The following HS6ST3 variants were observed in gnomAD, a reference collection of about 807,000 sequenced individuals.
HS6ST3 encodes the protein heparan sulfate 6-O-sulfotransferase 3, also known as heparan-sulfate 6-O-sulfotransferase 3.
A neutral mutation model predicts 36.7 loss-of-function variants in HS6ST3; 12 were observed. The ratio of observed to expected loss-of-function variants is 0.33; its 90% CI spans 0.21 to 0.53. HS6ST3 has a LOEUF of 0.53. Among genes scored for constraint, HS6ST3 ranks in the 20% least tolerant of loss-of-function variants. The pLI, the probability that HS6ST3 is intolerant of heterozygous loss-of-function variation, is 0.95. For synonymous variants in HS6ST3, 240 were observed against 257.5 expected (o/e 0.93, Z 0.65); for missense variants, 584 against 640.9 (o/e 0.91, Z 0.96).
chr13:96,461,449 G>A (rs746851830), intron 1 of HS6ST3, among the ~76,000 whole-genome samples: 7 of 152,150 alleles, frequency 4.6e-5, no homozygotes, highest in Non-Finnish European at 7.4e-5. Flanking sequence ...AGGTATACAT[G>A]TCCTAGAAAT....
intron 1 of HS6ST3, among the ~76,000 whole-genome samples, chr13:96,186,011 A>G (rs1386869659): frequency 1.3e-5 from 2 of 152,208 alleles, no homozygotes; most frequent in Admixed American, 6.5e-5. Context: ...ATCTGAGTGT[A>G]TGTATGTATG....
At chr13:96,112,661 C>T (rs932547126) in intron 1 of HS6ST3, among the ~76,000 whole-genome samples, 2 of 134,934 alleles carry the variant, frequency 1.5e-5, no homozygotes, top group Admixed American at 8.1e-5. Context: ...CCAGCTACTC[C>T]GGAGGCTGAG....
intron 1 of HS6ST3, among the ~76,000 whole-genome samples, chr13:96,624,399 AT>A (rs1439231098): frequency 3.3e-5 from 5 of 152,154 alleles, no homozygotes; most frequent in Admixed American, 1.3e-4. Flanking sequence ...CTAGATTTGT[AT>A]TTCATATAAA....
chr13:96,807,185 C>G (rs1320316149), intron 1 of HS6ST3, among the ~76,000 whole-genome samples: 1 of 152,190 alleles, frequency 6.6e-6, no homozygotes, highest in Non-Finnish European at 1.5e-5. Context: ...CAGAAAGATG[C>G]TGGTTGCTGT....
At chr13:96,709,877 G>C (rs1875519004) in intron 1 of HS6ST3, among the ~76,000 whole-genome samples, 1 of 152,236 alleles carries the variant, frequency 6.6e-6, no homozygotes, top group Non-Finnish European at 1.5e-5. Context: ...TCCATAGGAA[G>C]TGGTAAATTG....
chr13:96,139,229 T>C (rs1324970499), intron 1 of HS6ST3, among the ~76,000 whole-genome samples: 1 of 152,086 alleles, frequency 6.6e-6, no homozygotes, highest in Non-Finnish European at 1.5e-5. Flanking sequence ...TTTTTCTGAG[T>C]AATCATGTTA....
At chr13:96,434,416 A>G (rs960820047) in intron 1 of HS6ST3, among the ~76,000 whole-genome samples, 1 of 152,168 alleles carries the variant, frequency 6.6e-6, no homozygotes, top group African/African-American at 2.4e-5. Flanking sequence ...TCCTTCCTTG[A>G]CTGATGGCTG....
intron 1 of HS6ST3, among the ~76,000 whole-genome samples, chr13:96,145,998 G>A (rs2054056251): frequency 6.6e-6 from 1 of 152,120 alleles, no homozygotes; most frequent in South Asian, 2.1e-4. Context: ...GCTCTGTTCT[G>A]TTCCATTGGT....
At chr13:96,396,750 A>G (rs9634489) in intron 1 of HS6ST3, among the ~76,000 whole-genome samples, 80,466 of 152,050 alleles carry the variant, frequency 0.53, 21,823 homozygotes, top group African/African-American at 0.62. Context: ...GGCAAGGGCA[A>G]TGGGTGTCCT....
At chr13:96,479,329 G>A (rs1286681494) in intron 1 of HS6ST3, among the ~76,000 whole-genome samples, 1 of 152,208 alleles carries the variant, frequency 6.6e-6, no homozygotes, top group Admixed American at 6.5e-5. Flanking sequence ...TAGGACTGAA[G>A]CATAGAGAGT....
chr13:96,147,963 A>G (rs1467631642), intron 1 of HS6ST3, among the ~76,000 whole-genome samples: 3 of 152,172 alleles, frequency 2.0e-5, no homozygotes, highest in East Asian at 1.9e-4. Context: ...ACAATTTTCA[A>G]ATTGCAAACA....
intron 1 of HS6ST3, among the ~76,000 whole-genome samples, chr13:96,799,644 G>C (rs559331921): frequency 7.1e-6 from 1 of 140,346 alleles, no homozygotes; most frequent in Non-Finnish European, 1.5e-5. Context: ...GGTGGAGGGA[G>C]GGGGGAGGGA....
At chr13:96,820,583 T>C (rs1233653292) in intron 1 of HS6ST3, among the ~76,000 whole-genome samples, 1 of 152,240 alleles carries the variant, frequency 6.6e-6, no homozygotes, top group East Asian at 1.9e-4. Flanking sequence ...AAGTAAGTAC[T>C]GATACTTCAG....
intron 1 of HS6ST3, among the ~76,000 whole-genome samples, chr13:96,159,604 T>C (rs562947779): frequency 2.0e-5 from 3 of 152,368 alleles, no homozygotes; most frequent in Admixed American, 6.5e-5. Context: ...CTACTGGTTA[T>C]ATTGTAATTT....
chr13:96,585,222 G>A (rs2056356430), intron 1 of HS6ST3, among the ~76,000 whole-genome samples: 1 of 151,868 alleles, frequency 6.6e-6, no homozygotes, highest in South Asian at 2.1e-4. Flanking sequence ...TATTATAGAG[G>A]ACTTTTTTCT....
intron 1 of HS6ST3, among the ~76,000 whole-genome samples, chr13:96,495,487 A>G (rs2055970413): frequency 1.3e-5 from 2 of 152,230 alleles, no homozygotes; most frequent in African/African-American, 4.8e-5. Context: ...TGTTAAGTGG[A>G]AAGAGTTGAT....
chr13:96,187,404 A>T (rs985476618), intron 1 of HS6ST3, among the ~76,000 whole-genome samples: 4 of 152,120 alleles, frequency 2.6e-5, no homozygotes, highest in African/African-American at 7.2e-5. Context: ...CCAGGAAGGT[A>T]AGGCATTATT....
Position 96,832,896 on chromosome 13 carries a change from T to G in HS6ST3, c.1114T>G (p.Phe372Val). Residue 372 changes from phenylalanine (F) to valine (V), a missense_variant, in exon 2 of 2, where the codon TTC becomes GTC. Transcript: ENST00000376705. ...FLFERTFNLK[F>V]ISPFTQFNIT... The stretch of plus-strand genomic sequence containing the variant: ...CTTTGAGAGAACATTCAACCTCAAG[T>G]TCATCTCCCCCTTCACACAGTTCAA... The G allele has an allele frequency of 1.9e-6, 3 of 1,614,158 alleles. No individual in the cohort carries two copies. Among genetic ancestry groups the G allele is most frequent in the Non-Finnish European group, 2.5e-6 (3 of 1,180,026 alleles).
intron 1 of HS6ST3, among the ~76,000 whole-genome samples, chr13:96,383,359 C>G (rs1196796596): frequency 6.6e-6 from 1 of 152,026 alleles, no homozygotes; most frequent in African/African-American, 2.4e-5. Flanking sequence ...AAGGCTGAGG[C>G]AGGAGAATCT....
Sources: allele counts gnomAD v4.1 joint callset (sites outside exome capture counted in the v4.1 genomes callset), GRCh38; gene constraint gnomAD v4.1.1; transcripts MANE v1.5; gene names NCBI Gene and HGNC (gene_info 2026-07-23, HGNC 2026-07-21).